The following CA10 variants were observed in gnomAD, a reference collection of about 807,000 sequenced individuals.
CA10 encodes the protein carbonic anhydrase 10 (inactive), also known as carbonic anhydrase-related protein 10.
A neutral mutation model predicts 44.2 loss-of-function variants in CA10; 14 were observed. That is an observed-to-expected ratio of 0.32 (90% CI 0.21 to 0.50). The LOEUF is 0.50. Among genes scored for constraint, CA10 ranks in the 20% least tolerant of loss-of-function variants. CA10 has a pLI of 0.99. For missense variants in CA10, 350 were observed against 409.7 expected, an observed-to-expected ratio of 0.85 and a Z score of 1.26; for synonymous variants, 159 against 141.6, an observed-to-expected ratio of 1.12 and a Z score of -0.87.
At chr17:51,817,683 C>G (rs1359408588) in intron 3 of CA10, among the ~76,000 whole-genome samples, 1 of 152,128 alleles carries the variant, frequency 6.6e-6, no homozygotes, top group Non-Finnish European at 1.5e-5. Flanking sequence ...AGGCCGACAT[C>G]CTCAGATCTA....
Position 51,724,029 on chromosome 17 carries a change from T to C in CA10, c.465+23604A>G, listed in dbSNP as rs546672585. Among the ~76,000 whole-genome samples, 7 of 151,534 alleles carry C rather than the reference T, an allele frequency of 4.6e-5. 1 individual carries two copies. In the South Asian group the frequency reaches 1.0e-3, roughly 23 times the overall value. On this transcript the variant is annotated intron_variant, in intron 4 of 8. Coordinates refer to ENST00000451037, the MANE Select transcript of CA10 (RefSeq NM_020178.5). Reference sequence around the variant, plus strand: ...AGGGCAGATGAACAGGCCTGACAAATAGTAATCAGGAGGATGAGGGGGGAC... The same window carrying C: ...AGGGCAGATGAACAGGCCTGACAAACAGTAATCAGGAGGATGAGGGGGGAC...
intron 4 of CA10, among the ~76,000 whole-genome samples, chr17:51,686,085 C>CGGGGG (rs5820873): frequency 6.7e-6 from 1 of 149,116 alleles, no homozygotes; most frequent in African/African-American, 2.5e-5. Context: ...AATCATGGGT[C>CGGGGG]GGGGGGGGCG....
chr17:51,638,340 T>TGGATTTGGAGACCAACCC (rs1886643277), intron 6 of CA10, among the ~76,000 whole-genome samples: 1 of 152,242 alleles, frequency 6.6e-6, no homozygotes, highest in Admixed American at 6.5e-5. Flanking sequence ...TTCACCAAGC[T>TGGATTTGGAGACCAACCC]GGATTTGGAG....
At chr17:51,855,691 T>C (rs1202035514) in intron 3 of CA10, among the ~76,000 whole-genome samples, 1 of 152,236 alleles carries the variant, frequency 6.6e-6, no homozygotes, top group Non-Finnish European at 1.5e-5. Context: ...GGCTCGTCTC[T>C]TCAACATTCA....
At chr17:51,895,516 A>G (rs921941558) in intron 3 of CA10, among the ~76,000 whole-genome samples, 36 of 152,106 alleles carry the variant, frequency 2.4e-4, no homozygotes, top group Admixed American at 1.4e-3. Context: ...ACAGAAATAC[A>G]TAACATACCA....
chr17:51,772,527 C>T (rs950125247), intron 3 of CA10, among the ~76,000 whole-genome samples: 1 of 151,972 alleles, frequency 6.6e-6, no homozygotes, highest in African/African-American at 2.4e-5. Context: ...TTGACTAAAT[C>T]CTGGAGGAAT....
intron 1 of CA10, among the ~76,000 whole-genome samples, chr17:52,085,965 T>G (rs966423086): frequency 6.6e-6 from 1 of 152,184 alleles, no homozygotes; most frequent in Non-Finnish European, 1.5e-5. Context: ...AAAAGAAAGC[T>G]CTATTATAAT....
chr17:52,042,859 T>A (rs1043110865), intron 2 of CA10, among the ~76,000 whole-genome samples: 16 of 152,088 alleles, frequency 1.1e-4, no homozygotes, highest in Admixed American at 1.0e-3. Context: ...AACTATCCTT[T>A]CCCTGTTGTG....
chr17:51,779,882 C>T (rs894444217), intron 3 of CA10, among the ~76,000 whole-genome samples: 18 of 152,204 alleles, frequency 1.2e-4, no homozygotes, highest in African/African-American at 3.6e-4. Flanking sequence ...GAAGTGCTGC[C>T]TGCGGTTGGA....
At chr17:52,085,158 G>A (rs1988085264) in intron 1 of CA10, among the ~76,000 whole-genome samples, 1 of 152,160 alleles carries the variant, frequency 6.6e-6, no homozygotes, top group Non-Finnish European at 1.5e-5. Flanking sequence ...CAATACCCAT[G>A]GAGTGAAGAC....
chr17:52,074,823 T>G (rs1987775859), intron 1 of CA10, among the ~76,000 whole-genome samples: 1 of 152,100 alleles, frequency 6.6e-6, no homozygotes, highest in Admixed American at 6.6e-5. Flanking sequence ...TATGGCCCAT[T>G]GCCTGTTTCT....
intron 3 of CA10, among the ~76,000 whole-genome samples, chr17:51,829,318 C>T (rs957926917): frequency 6.6e-6 from 1 of 152,156 alleles, no homozygotes; most frequent in African/African-American, 2.4e-5. Context: ...TTTACCAAGT[C>T]CGTAGCTTTG....
At chr17:51,813,566 G>A (rs912461608) in intron 3 of CA10, among the ~76,000 whole-genome samples, 1 of 152,308 alleles carries the variant, frequency 6.6e-6, no homozygotes, top group African/African-American at 2.4e-5. Context: ...TTCCATGGTT[G>A]TTTGCATGTT....
intron 2 of CA10, among the ~76,000 whole-genome samples, chr17:52,023,894 T>G (rs1030754149): frequency 3.9e-5 from 6 of 152,178 alleles, no homozygotes; most frequent in Admixed American, 2.0e-4. Context: ...CTGTCTATAT[T>G]TAAAATTTTT....
At chr17:52,045,639 A>G (rs982688227) in intron 2 of CA10, among the ~76,000 whole-genome samples, 9 of 152,032 alleles carry the variant, frequency 5.9e-5, no homozygotes, top group African/African-American at 2.2e-4. Flanking sequence ...AAGAAGAAAT[A>G]TGCAAATCCA....
chr17:51,674,215 T>C (rs1012796602), intron 4 of CA10, among the ~76,000 whole-genome samples: 3 of 152,248 alleles, frequency 2.0e-5, no homozygotes, highest in African/African-American at 7.2e-5. Context: ...CTAGCACAGC[T>C]TCTGACACAC....
At chr17:51,676,295 A>G (rs2143371599) in intron 4 of CA10, among the ~76,000 whole-genome samples, 1 of 152,360 alleles carries the variant, frequency 6.6e-6, no homozygotes. Context: ...GTGAACATCT[A>G]GAGCCAGGAG....
intron 2 of CA10, among the ~76,000 whole-genome samples, chr17:51,934,232 T>C (rs1982776294): frequency 6.6e-6 from 1 of 152,070 alleles, no homozygotes; most frequent in Admixed American, 6.6e-5. Context: ...TTAAATTCAT[T>C]ACATGGATTT....
chr17:51,861,399 G>GA (rs998249069), intron 3 of CA10, among the ~76,000 whole-genome samples: 7 of 151,482 alleles, frequency 4.6e-5, no homozygotes, highest in African/African-American at 1.2e-4. Context: ...GAGAGAGAGA[G>GA]AGAAAAAAGA....
Sources: allele counts gnomAD v4.1 joint callset (sites outside exome capture counted in the v4.1 genomes callset), GRCh38; gene constraint gnomAD v4.1.1; transcripts MANE v1.5; gene names NCBI Gene and HGNC (gene_info 2026-07-23, HGNC 2026-07-21).